Variants in SLC12A8 observed in about 807,000 individuals in gnomAD.
SLC12A8 encodes solute carrier family 12 member 8, also known as cation-chloride cotransporter 9.
A neutral mutation model predicts 75.6 loss-of-function variants in SLC12A8; 69 were observed. The ratio of observed to expected loss-of-function variants is 0.91; its 90% confidence interval spans 0.75 to 1.11. The LOEUF (loss-of-function observed/expected upper bound fraction) is 1.11, where lower values mean the gene tolerates loss of function less well. Ranked by LOEUF, SLC12A8 falls within the 50% of genes most tolerant of loss-of-function variation. The pLI is 0.00. For synonymous variants in SLC12A8, 365 were observed against 372.8 expected, an observed-to-expected ratio of 0.98 and a Z score of 0.24; for missense variants, 877 against 896.7, an observed-to-expected ratio of 0.98 and a Z score of 0.28.
At chr3:125,152,641 C>G (rs1344403033) in intron 5 of SLC12A8, among the ~76,000 whole-genome samples, 8 of 152,032 alleles carry the variant, frequency 5.3e-5, no homozygotes, top group Admixed American at 3.3e-4. Flanking sequence ...AACCACCCCT[C>G]CCCCCAAACT....
intron 8 of SLC12A8, among the ~76,000 whole-genome samples, chr3:125,115,971 C>A (rs181007177): frequency 6.6e-6 from 1 of 152,154 alleles, no homozygotes. Flanking sequence ...AAAGAAACTC[C>A]GCCCTTGCAC....
At chr3:125,144,523 GC>G (rs1933725310) in intron 5 of SLC12A8, among the ~76,000 whole-genome samples, 2 of 152,050 alleles carry the variant, frequency 1.3e-5, no homozygotes, top group South Asian at 4.2e-4. Flanking sequence ...GGAAAATCTG[GC>G]CTCCTTATCT....
At chr3:125,198,882 A>C (rs1032039790) in intron 2 of SLC12A8, among the ~76,000 whole-genome samples, 1 of 150,534 alleles carries the variant, frequency 6.6e-6, no homozygotes, top group Non-Finnish European at 1.5e-5. Flanking sequence ...AGTTCATGCC[A>C]TTCCCCTGCC....
rs1425986202 is a variant in SLC12A8 at position 125,177,833 on chromosome 3, A to C, written c.532T>G (p.Trp178Gly). ...AACAGCAGCTGGAGGCGGATTATCC[A>C]TTTGACACCTGCGAGGTTAATGCCC... is the stretch of plus-strand genomic sequence containing the variant. ...LLGINLAGVK[W>G]IIRLQLLLLF... Residue 178 changes from tryptophan (W) to glycine (G), a missense_variant, in exon 5 of 14, where the codon TGG (tryptophan) becomes GGG (glycine). Transcript: ENST00000469902. 1 of 1,614,190 alleles carries C rather than the reference A, an allele frequency of 6.2e-7. No homozygotes were observed. Among genetic ancestry groups the C allele is most frequent in the South Asian group, 1.1e-5 (1 of 91,084 alleles).
At chr3:125,119,741 A>C in intron 7 of SLC12A8, 1 of 409,426 alleles carries the variant, frequency 2.4e-6, no homozygotes. Flanking sequence ...GCTAAGAACA[A>C]ATTCAGTGTT....
chr3:125,197,262 C>T (rs1935025512), intron 2 of SLC12A8, among the ~76,000 whole-genome samples: 1 of 150,672 alleles, frequency 6.6e-6, no homozygotes, highest in Admixed American at 6.7e-5. Flanking sequence ...GAATAAGAAT[C>T]TGAGTCCATA....
intron 6 of SLC12A8, among the ~76,000 whole-genome samples, chr3:125,124,294 A>G (rs1308087802): frequency 6.6e-6 from 1 of 152,184 alleles, no homozygotes; most frequent in Non-Finnish European, 1.5e-5. Context: ...TGGTTCCCAC[A>G]GCAAAGTGTA....
chr3:125,136,009 G>A (rs548843402), intron 5 of SLC12A8, among the ~76,000 whole-genome samples: 8 of 152,180 alleles, frequency 5.3e-5, no homozygotes, highest in Non-Finnish European at 1.0e-4. Flanking sequence ...TAACATGAAA[G>A]GAAGCAGTGG....
chr3:125,193,184 C>T (rs57544447), intron 2 of SLC12A8, among the ~76,000 whole-genome samples: 18,583 of 152,126 alleles, frequency 0.12, 1,457 homozygotes, highest in Non-Finnish European at 0.17. Flanking sequence ...GCCTCGTTAA[C>T]ATGGCGAAAC....
chr3:125,164,423 GAC>G (rs576931989), intron 5 of SLC12A8, among the ~76,000 whole-genome samples: 2 of 152,226 alleles, frequency 1.3e-5, no homozygotes, highest in Admixed American at 1.3e-4. Context: ...CAAAGTGCCT[GAC>G]ACAGAGTTGG....
At chr3:125,199,027 C>T (rs1002649050) in intron 2 of SLC12A8, among the ~76,000 whole-genome samples, 20 of 152,128 alleles carry the variant, frequency 1.3e-4, no homozygotes, top group African/African-American at 4.6e-4. Flanking sequence ...ATCCACCCTC[C>T]TTGGCCTCCC....
intron 5 of SLC12A8, among the ~76,000 whole-genome samples, chr3:125,147,606 G>A (rs1283132067): frequency 1.3e-5 from 2 of 152,190 alleles, no homozygotes; most frequent in African/African-American, 4.8e-5. Flanking sequence ...TCACTGGGGT[G>A]CTGGATGAGT....
At chr3:125,120,939 C>CCAGCA in intron 6 of SLC12A8, 1 of 686,302 alleles carries the variant, frequency 1.5e-6, no homozygotes, top group Non-Finnish European at 2.6e-6. Flanking sequence ...CAAAAGCATC[C>CCAGCA]TACCGCTCAG....
At position 125,083,595 on chromosome 3, in the gene SLC12A8, G is replaced by A; in HGVS notation, c.*295C>T. 1 of 253,854 alleles carries A rather than the reference G, an allele frequency of 3.9e-6. No individual in the cohort carries two copies. Among genetic ancestry groups the A allele is most frequent in the Non-Finnish European group, 7.7e-6 (1 of 130,534 alleles). The allele number at this position is 253,854 out of a possible 1,614,324, so 15.7% of individuals were successfully genotyped here. ...AAAATAGCTGGGTGTGGTGGTGCATGCCTATAATCCCAGCTACTCAGGAGG... is the reference window on the plus strand; with the variant it reads ...AAAATAGCTGGGTGTGGTGGTGCATACCTATAATCCCAGCTACTCAGGAGG... On this transcript the variant is annotated 3_prime_UTR_variant, in exon 14 of 14. Transcript: ENST00000469902.
intron 2 of SLC12A8, among the ~76,000 whole-genome samples, chr3:125,196,923 G>T (rs1935018865): frequency 6.6e-6 from 1 of 152,164 alleles, no homozygotes; most frequent in Admixed American, 6.5e-5. Flanking sequence ...AGGAGACCTT[G>T]TCTCAAACAA....
intron 4 of SLC12A8, among the ~76,000 whole-genome samples, chr3:125,186,115 C>T (rs1934776577): frequency 6.6e-6 from 1 of 151,524 alleles, no homozygotes; most frequent in African/African-American, 2.4e-5. Context: ...ATTTTGCCTA[C>T]CTTGCAGCCT....
intron 5 of SLC12A8, among the ~76,000 whole-genome samples, chr3:125,156,652 C>T (rs980827357): frequency 6.6e-6 from 1 of 152,188 alleles, no homozygotes; most frequent in African/African-American, 2.4e-5. Context: ...CATGTACAAA[C>T]AAATCAAGAA....
At chr3:125,185,637 C>T (rs1934762019) in intron 4 of SLC12A8, among the ~76,000 whole-genome samples, 1 of 152,196 alleles carries the variant, frequency 6.6e-6, no homozygotes, top group South Asian at 2.1e-4. Flanking sequence ...ATTAGCCTGA[C>T]ACCAAAACCA....
chr3:125,102,398 G>A (rs969041626), intron 10 of SLC12A8, among the ~76,000 whole-genome samples: 6 of 152,196 alleles, frequency 3.9e-5, no homozygotes, highest in South Asian at 2.1e-4. Flanking sequence ...GCTGCATTGC[G>A]AAGAACCTTG....
Sources: allele counts gnomAD v4.1 joint callset (sites outside exome capture counted in the v4.1 genomes callset), GRCh38; gene constraint gnomAD v4.1.1; transcripts MANE v1.5; gene names NCBI Gene and HGNC (gene_info 2026-07-23, HGNC 2026-07-21).